Variants in ZNF251 observed in about 807,000 individuals in gnomAD.
ZNF251 encodes zinc finger protein 251.
A neutral mutation model predicts 13.5 loss-of-function variants in ZNF251; 14 were observed. That is an observed-to-expected ratio of 1.04 (90% CI 0.69 to 1.63). ZNF251 has a LOEUF of 1.63. ZNF251 is among the 40% of genes most tolerant of loss of function. The pLI is 0.00. For synonymous variants in ZNF251, 287 were observed against 295.2 expected (o/e 0.97, Z 0.28); for missense variants, 764 against 834.9 (o/e 0.92, Z 1.05).
chr8:144,723,129 T>C lies in ZNF251; in HGVS notation c.531A>G (p.Gly177=), dbSNP rs1823419169. The change falls in exon 5 of 5, where the codon GGA becomes GGG. Residue 177 remains glycine (G), a synonymous_variant. Coordinates refer to ENST00000292562, the MANE Select transcript of ZNF251 (RefSeq NM_138367.2). The part of the protein sequence containing the change: ...EATVGRERSL[G]ERTQECSAFD... The stretch of plus-strand genomic sequence containing the variant: ...ATGCACTACACTCTTGGGTTCTTTC[T>C]CCCAAAGATCTTTCCCTGCCCACGG... 5 of 1,613,692 alleles carry C rather than the reference T, an allele frequency of 3.1e-6. No individual in the cohort carries two copies. In the East Asian group the frequency reaches 1.1e-4, roughly 36 times the overall value.
At chr8:144,724,010 G>A (rs768582703) in intron 4 of ZNF251, among the ~76,000 whole-genome samples, 7 of 152,112 alleles carry the variant, frequency 4.6e-5, no homozygotes, top group Admixed American at 6.5e-5. Flanking sequence ...TTGGGAGGCC[G>A]AGGTGGGCGG....
At chr8:144,750,398 C>G (rs1462040884) in intron 4 of ZNF251, among the ~76,000 whole-genome samples, 1 of 152,132 alleles carries the variant, frequency 6.6e-6, no homozygotes, top group East Asian at 1.9e-4. Context: ...TTCAGCTTCC[C>G]CCACCTGCCA....
At chr8:144,741,720 C>T (rs1318050205) in intron 4 of ZNF251, among the ~76,000 whole-genome samples, 5 of 152,076 alleles carry the variant, frequency 3.3e-5, no homozygotes, top group Non-Finnish European at 7.4e-5. Context: ...TGAAATAAAG[C>T]ATTACTTGAC....
chr8:144,721,871 G>A lies in ZNF251; in HGVS notation c.1789C>T (p.Gln597Ter). ...CCACTGAAGGCGTTTCCACATTCTT[G>A]ACATTTATAGGGCTTTTCCCCAGCA... ...MHAGEKPYKCQECGNAFSGKS... is the reference protein window; with the variant it reads ...MHAGEKPYKC Residue 597 changes from glutamine (Q) to a stop codon, truncating the protein, a stop_gained, in exon 5 of 5, where the codon CAA becomes TAA. Coordinates refer to ENST00000292562, the MANE Select transcript of ZNF251 (RefSeq NM_138367.2). LOFTEE classifies it low-confidence loss of function (END_TRUNC). The A allele has an allele frequency of 6.7e-7, 1 of 1,499,574 alleles. No homozygotes were observed. The highest frequency in any genetic ancestry group is 8.9e-7 in the Non-Finnish European group (1 of 1,124,010). The allele number at this position is 1,499,574 out of a possible 1,614,324, so 92.9% of individuals were successfully genotyped here.
chr8:144,738,615 A>G (rs537888542), intron 4 of ZNF251: 1 of 985,354 alleles, frequency 1.0e-6, no homozygotes. Context: ...CATGCCTGCA[A>G]GTCCAAACTG....
In ZNF251 at chr8:144,734,514, C is replaced by T. The variant is rs950895811; in HGVS notation, c.278-11132G>A. ...CAACGGCATGAACTCTACTTGGTGCCGCTGGCCCTGTGGTCCTGGGGCCTG... is the reference window on the plus strand; with the variant it reads ...CAACGGCATGAACTCTACTTGGTGCTGCTGGCCCTGTGGTCCTGGGGCCTG... On this transcript the variant is annotated intron_variant, in intron 4 of 4. Transcript: ENST00000292562. This position sits in a 1 kb window ranked among gnomAD's most constrained non-coding sequence, Gnocchi z 4.4. Among the ~76,000 whole-genome samples, 10 of 152,196 alleles carry T rather than the reference C, an allele frequency of 6.6e-5. No individual in the cohort carries two copies. Among genetic ancestry groups the T allele is most frequent in the Non-Finnish European group, 1.2e-4 (8 of 68,034 alleles).
intron 4 of ZNF251, among the ~76,000 whole-genome samples, chr8:144,724,261 CAAAAAAAAA>C (rs1175216003): frequency 5.6e-5 from 2 of 35,840 alleles, no homozygotes; most frequent in South Asian, 1.3e-3. Context: ...GACTCCGTCT[CAAAAAAAAA>C]AAAAAAAAAA....
chr8:144,744,183 T>C lies in ZNF251; in HGVS notation c.277+9500A>G, dbSNP rs12679888. On this transcript the variant is annotated intron_variant, in intron 4 of 4. Coordinates refer to ENST00000292562, the MANE Select transcript of ZNF251 (RefSeq NM_138367.2). ...TGCCACCACACACCCAGCTGGTTTTTGTATTTTTAGTAGAGATGGGGTTTC... is the reference window on the plus strand; with the variant it reads ...TGCCACCACACACCCAGCTGGTTTTCGTATTTTTAGTAGAGATGGGGTTTC... 5.3e-5 allele frequency among the ~76,000 whole-genome samples: 8 copies of C among 152,134 alleles called. No homozygotes were observed. In the East Asian group the frequency reaches 1.2e-3, roughly 22 times the overall value.
At position 144,723,047 on chromosome 8, in the gene ZNF251, CTGTT is replaced by C; in HGVS notation, c.609_612del (p.Thr204GlufsTer20). ...ATATCACATTTAAAGACCCTCTCTC[CTGTT>C]TTATTTCTTTGAAGTCTAACAACAT... On this transcript the variant is annotated frameshift_variant, in exon 5 of 5. Coordinates refer to ENST00000292562, the MANE Select transcript of ZNF251 (RefSeq NM_138367.2). LOFTEE classifies it low-confidence loss of function (END_TRUNC). 6.2e-7 allele frequency: 1 copy of C among 1,614,048 alleles called. No individual in the cohort carries two copies. Among genetic ancestry groups the C allele is most frequent in the Non-Finnish European group, 8.5e-7 (1 of 1,179,902 alleles).
intron 4 of ZNF251, among the ~76,000 whole-genome samples, chr8:144,744,879 A>C (rs2130045426): frequency 6.6e-6 from 1 of 152,316 alleles, no homozygotes; most frequent in Non-Finnish European, 1.5e-5. Flanking sequence ...AACATGGCAA[A>C]ACCCCATCTC....
At position 144,730,196 on chromosome 8, in the gene ZNF251, C is replaced by G. The variant is rs548637171; in HGVS notation, c.278-6814G>C. ...CCACCGGGCCTAAAGCCCCTCCAGG[C>G]GCGGGGCCCAGAGCGCCAATCCCTG... On this transcript the variant is annotated intron_variant, in intron 4 of 4. Transcript: ENST00000292562. 1.9e-4 allele frequency: 161 copies of G among 854,586 alleles called. 5 individuals carry two copies. The South Asian group carries it at 7.4e-3, about 39-fold the overall frequency. 52.9% of individuals were successfully genotyped at this position (854,586 alleles called of 1,614,324 possible). A position where few individuals can be genotyped will look rare whatever the true frequency, so the allele number is the denominator to read the frequency against.
intron 4 of ZNF251, among the ~76,000 whole-genome samples, chr8:144,742,084 C>T (rs1184688482): frequency 6.6e-6 from 1 of 152,080 alleles, no homozygotes; most frequent in Non-Finnish European, 1.5e-5. Flanking sequence ...AGGCAGCTCA[C>T]CTCAAAAGCA....
intron 4 of ZNF251, among the ~76,000 whole-genome samples, chr8:144,736,455 TTTTATTTATTTATTTATTTATTTA>T (rs71297475): frequency 0.017 from 2,486 of 142,350 alleles, 56 homozygotes; most frequent in Admixed American, 0.074. Context: ...CCTTCCTTTA[TTTTATTTATTTATTTATTTATTTA>T]TTTATTTATT....
At position 144,723,374 on chromosome 8, in the gene ZNF251, C is replaced by T. The variant is rs1196959737; in HGVS notation, c.286G>A (p.Val96Ile). Reference protein sequence around the residue: ...ILKSCQKDSEVGTKKELSILN... With the variant: ...ILKSCQKDSEIGTKKELSILN... ...ATAGATAGTTCCTTCTTGGTCCCAA[C>T]CTCAGAATCTGTTAAAGAAAAATAT... The change falls in exon 5 of 5, where the codon GTT becomes ATT. Residue 96 changes from valine (V) to isoleucine (I), a missense_variant. Val to Ile is a conservative substitution (Grantham distance 29). Transcript: ENST00000292562. 6.8e-7 allele frequency: 1 copy of T among 1,477,036 alleles called. No individual in the cohort carries two copies. Among genetic ancestry groups the T allele is most frequent in the South Asian group, 1.5e-5 (1 of 67,478 alleles). The allele number at this position is 1,477,036 out of a possible 1,614,324, so 91.5% of individuals were successfully genotyped here.
chr8:144,744,457 T>C (rs1376825107), intron 4 of ZNF251, among the ~76,000 whole-genome samples: 1 of 152,206 alleles, frequency 6.6e-6, no homozygotes, highest in Admixed American at 6.5e-5. Flanking sequence ...TACATTTAGA[T>C]GTATGATCCA....
At chr8:144,754,911 G>A (rs1824886054) in intron 1 of ZNF251, 108 bp from the exon 2 acceptor site, 3 of 1,442,344 alleles carry the variant, frequency 2.1e-6, no homozygotes, top group Non-Finnish European at 2.7e-6. Context: ...GCGGGAGGCA[G>A]GTCACTATGC....
In ZNF251 at chr8:144,754,087, G is replaced by A. The variant is rs1457989709; in HGVS notation, c.163+105C>T. On this transcript the variant is annotated intron_variant, in intron 3 of 4. Coordinates refer to ENST00000292562, the MANE Select transcript of ZNF251 (RefSeq NM_138367.2). The stretch of plus-strand genomic sequence containing the variant: ...TGTAGAGATCAGACTGATACCCGGG[G>A]ACAAGGGGCAGGACCCTCTTCTTTG... 10 of 1,449,974 alleles carry A rather than the reference G, an allele frequency of 6.9e-6. No homozygotes were observed. In the South Asian group the frequency reaches 1.2e-4, roughly 18 times the overall value. The allele number at this position is 1,449,974 out of a possible 1,614,324, so 89.8% of individuals were successfully genotyped here. A position where few individuals can be genotyped will look rare whatever the true frequency, so the allele number is the denominator to read the frequency against.
intron 4 of ZNF251, 49 bp downstream of exon 4, chr8:144,753,634 G>T (rs1824808359): frequency 2.7e-6 from 4 of 1,474,846 alleles, no homozygotes; most frequent in Non-Finnish European, 3.7e-6. Context: ...AGCCTCTTAA[G>T]GCAGGATTGG....
At position 144,722,293 on chromosome 8, in the gene ZNF251, G is replaced by C. The variant is rs761778854; in HGVS notation, c.1367C>G (p.Thr456Ser). The stretch of plus-strand genomic sequence containing the variant: ...AACGCACTGGTAGGGCTTCTCCCCA[G>C]TGTGAACTCTTCGATGCTGAACAAG... Reference protein sequence around the residue: ...STLVQHRRVHTGEKPYQCVEC... With the variant: ...STLVQHRRVHSGEKPYQCVEC... Residue 456 changes from threonine to serine, a missense_variant, in exon 5 of 5, where the codon ACT becomes AGT. Physicochemically the swap from Thr to Ser is moderately conservative, Grantham distance 58. Coordinates refer to ENST00000292562, the MANE Select transcript of ZNF251 (RefSeq NM_138367.2). The surrounding 1 kb of genome is among the most constrained non-coding windows in gnomAD (Gnocchi z 4.8). The C allele has an allele frequency of 6.2e-6, 10 of 1,614,042 alleles. No homozygotes were observed. Among genetic ancestry groups the C allele is most frequent in the South Asian group, 2.2e-5 (2 of 91,086 alleles).
Sources: allele counts gnomAD v4.1 joint callset (sites outside exome capture counted in the v4.1 genomes callset), GRCh38; gene constraint gnomAD v4.1.1; non-coding constraint Gnocchi (gnomAD v3.1); transcripts MANE v1.5; gene names NCBI Gene and HGNC (gene_info 2026-07-23, HGNC 2026-07-21).